PRKAR1B: variants seen among roughly 807,000 people sequenced by gnomAD.
The protein encoded by PRKAR1B is protein kinase cAMP-dependent type I regulatory subunit beta, also known as cAMP-dependent protein kinase type I-beta regulatory subunit.
PRKAR1B carries 22 observed loss-of-function variants against 46.5 expected under a neutral mutation model. The observed-to-expected ratio is 0.47, with a 90% confidence interval of 0.34 to 0.68. PRKAR1B has a LOEUF of 0.68. Among genes scored for constraint, PRKAR1B ranks in the 30% least tolerant of loss-of-function variants. The probability of loss-of-function intolerance (pLI) is 0.01; values close to 1 mark genes in which losing one functional copy is unlikely to be tolerated. For missense variants in PRKAR1B, 445 were observed against 535.6 expected (o/e 0.83, Z 1.67); for synonymous variants, 259 against 217.7 (o/e 1.19, Z -1.67).
intron 9 of PRKAR1B, among the ~76,000 whole-genome samples, chr7:573,073 G>C (rs1161747303): frequency 6.6e-6 from 1 of 152,086 alleles, no homozygotes; most frequent in South Asian, 2.1e-4. Context: ...CGCCCTGGAC[G>C]TGCGGTCCAC....
chr7:561,121 AC>A (rs1383388494), intron 9 of PRKAR1B, among the ~76,000 whole-genome samples: 1 of 151,044 alleles, frequency 6.6e-6, no homozygotes, highest in Non-Finnish European at 1.5e-5. Flanking sequence ...CACCCCACAC[AC>A]AGGCACACAA....
chr7:609,482 C>T (rs904089524), intron 4 of PRKAR1B, among the ~76,000 whole-genome samples: 3 of 152,306 alleles, frequency 2.0e-5, no homozygotes, highest in Non-Finnish European at 2.9e-5. Context: ...CAGCCTCCTC[C>T]GGGCCCAGGT....
intron 2 of PRKAR1B, among the ~76,000 whole-genome samples, chr7:699,573 A>G (rs76005187): frequency 0.042 from 6,406 of 151,950 alleles, 422 homozygotes; most frequent in African/African-American, 0.13. Context: ...CTTGGGGTTG[A>G]AGCTCAAGCC....
chr7:576,213 G>A (rs1012007473), intron 9 of PRKAR1B, among the ~76,000 whole-genome samples: 13 of 151,384 alleles, frequency 8.6e-5, no homozygotes, highest in Non-Finnish European at 1.2e-4. Context: ...AGGCGTGCAC[G>A]CTGGCATCCT....
At chr7:655,798 T>G (rs1181931977) in intron 4 of PRKAR1B, among the ~76,000 whole-genome samples, 3 of 152,100 alleles carry the variant, frequency 2.0e-5, no homozygotes, top group Non-Finnish European at 4.4e-5. Context: ...CAGAGTTGGT[T>G]CCCTGATTGA....
At chr7:693,458 T>C (rs760055680) in intron 2 of PRKAR1B, among the ~76,000 whole-genome samples, 2 of 151,864 alleles carry the variant, frequency 1.3e-5, no homozygotes, top group Admixed American at 1.3e-4. Context: ...CCTGTCTCTG[T>C]GCAACTGCCT....
chr7:620,017 C>T (rs909073303), intron 4 of PRKAR1B, among the ~76,000 whole-genome samples: 1 of 130,998 alleles, frequency 7.6e-6, no homozygotes, highest in Non-Finnish European at 1.6e-5. Flanking sequence ...TACCCAGCTA[C>T]TTTTTTTTTT....
In PRKAR1B at chr7:666,641, T is replaced by G. The variant is rs558780214; in HGVS notation, c.440+10588A>C. On this transcript the variant is annotated intron_variant, in intron 4 of 10. Coordinates refer to ENST00000537384, the MANE Select transcript of PRKAR1B (RefSeq NM_001164760.2). The surrounding 1 kb of genome is among the most constrained non-coding windows in gnomAD (Gnocchi z 4.9). The stretch of plus-strand genomic sequence containing the variant: ...CCCCTCTCACTGGGTCTCAGAGCTC[T>G]GTTCAGTACAGTGAGGTGGGGACAA... 1.8e-4 allele frequency among the ~76,000 whole-genome samples: 27 copies of G among 152,328 alleles called. 1 individual carries two copies. The highest frequency in any genetic ancestry group is 6.5e-4 in the African/African-American group (27 of 41,576).
chr7:656,108 C>A (rs914136296), intron 4 of PRKAR1B, among the ~76,000 whole-genome samples: 2 of 152,188 alleles, frequency 1.3e-5, no homozygotes, highest in Admixed American at 1.3e-4. Flanking sequence ...CAGCACTGGG[C>A]ACAGAGGAGA....
At chr7:687,370 GA>G (rs1019661188) in intron 2 of PRKAR1B, among the ~76,000 whole-genome samples, 3 of 151,446 alleles carry the variant, frequency 2.0e-5, no homozygotes, top group Non-Finnish European at 4.4e-5. Context: ...ACGAAACTAA[GA>G]AAAAAAACTA....
chr7:690,397 C>G (rs1163202202), intron 2 of PRKAR1B, among the ~76,000 whole-genome samples: 1 of 151,970 alleles, frequency 6.6e-6, no homozygotes, highest in African/African-American at 2.4e-5. Flanking sequence ...TACCCTAGAC[C>G]TCAGCATCAC....
At chr7:683,615 G>A (rs1359949390) in intron 2 of PRKAR1B, among the ~76,000 whole-genome samples, 3 of 152,240 alleles carry the variant, frequency 2.0e-5, no homozygotes, top group African/African-American at 7.2e-5. Context: ...CATCCATCCT[G>A]TGGGTGGTGG....
chr7:644,845 A>G lies in PRKAR1B; in HGVS notation c.440+32384T>C, dbSNP rs1270621572. On this transcript the variant is annotated intron_variant, in intron 4 of 10. Coordinates refer to ENST00000537384, the MANE Select transcript of PRKAR1B (RefSeq NM_001164760.2). The surrounding 1 kb of genome is among the most constrained non-coding windows in gnomAD (Gnocchi z 4.9). ...CTGGACCGGGCAGTGCCGTCGGCCAAAGGGTCCCGTGTGCTGCAGAGCTGA... is the reference window on the plus strand; with the variant it reads ...CTGGACCGGGCAGTGCCGTCGGCCAGAGGGTCCCGTGTGCTGCAGAGCTGA... Among the ~76,000 whole-genome samples, 16 of 152,236 alleles carry G rather than the reference A, an allele frequency of 1.1e-4. No homozygotes were observed. The East Asian group carries it at 2.9e-3, about 28-fold the overall frequency.
chr7:703,542 G>C (rs983987271), intron 2 of PRKAR1B, among the ~76,000 whole-genome samples: 1 of 151,926 alleles, frequency 6.6e-6, no homozygotes, highest in African/African-American at 2.4e-5. Context: ...TGTAGTCCCA[G>C]CTACTTGGGA....
intron 6 of PRKAR1B, among the ~76,000 whole-genome samples, chr7:599,977 T>C (rs9771296): frequency 0.01 from 1,089 of 106,964 alleles, 2 homozygotes; most frequent in African/African-American, 0.043. Context: ...GGCCCCCCAT[T>C]CACCTTCACT....
intron 4 of PRKAR1B, among the ~76,000 whole-genome samples, chr7:628,557 C>G (rs553009058): frequency 6.6e-6 from 1 of 152,206 alleles, no homozygotes; most frequent in Non-Finnish European, 1.5e-5. Flanking sequence ...CAAAGGCCGG[C>G]AGGGGCTCGA....
At chr7:684,875 GACACACAC>G (rs142305067) in intron 2 of PRKAR1B, among the ~76,000 whole-genome samples, 1 of 145,406 alleles carries the variant, frequency 6.9e-6, no homozygotes, top group Non-Finnish European at 1.5e-5. Flanking sequence ...ACTTCACACA[GACACACAC>G]ACACACACAC....
At chr7:615,882 G>T (rs1005733475) in intron 4 of PRKAR1B, among the ~76,000 whole-genome samples, 2 of 144,772 alleles carry the variant, frequency 1.4e-5, no homozygotes, top group African/African-American at 5.1e-5. Context: ...GGAGGGAAAG[G>T]GAGAGAGAAA....
intron 4 of PRKAR1B, 36 bp downstream of exon 4, chr7:677,193 G>A (rs764714808): frequency 1.8e-5 from 29 of 1,602,858 alleles, no homozygotes; most frequent in Middle Eastern, 1.6e-4. Flanking sequence ...CGAGGAGGGC[G>A]GCGGTGATGC....
Sources: gnomAD v4.1 joint callset for allele counts (sites outside exome capture counted in the v4.1 genomes callset) on GRCh38, gnomAD v4.1.1 for gene constraint, Gnocchi (gnomAD v3.1) non-coding constraint, MANE v1.5 for transcripts, NCBI Gene and HGNC (gene_info 2026-07-23, HGNC 2026-07-21) for gene names.